CFAP54: variants seen among roughly 807,000 people sequenced by gnomAD.
CFAP54 encodes the protein cilia- and flagella-associated protein 54.
Under a neutral mutation model 370.4 loss-of-function variants are expected in CFAP54, and 290 were observed. The observed-to-expected ratio is 0.78, with a 90% confidence interval of 0.71 to 0.86. The LOEUF is 0.86. CFAP54 is among the 40% of genes least tolerant of loss of function. The pLI, the probability that CFAP54 is intolerant of heterozygous loss-of-function variation, is 0.00. For synonymous variants in CFAP54, 1,206 were observed against 1,236.5 expected, an observed-to-expected ratio of 0.98 and a Z score of 0.52; for missense variants, 3,399 against 3,528.7, an observed-to-expected ratio of 0.96 and a Z score of 0.93.
At chr12:96,782,436 A>C (rs1260828292) in intron 60 of CFAP54, among the ~76,000 whole-genome samples, 1 of 152,148 alleles carries the variant, frequency 6.6e-6, no homozygotes. Flanking sequence ...AGGCAATAAA[A>C]ATATTTAGCA....
At chr12:96,510,612 T>C (rs1468560553) in intron 4 of CFAP54, among the ~76,000 whole-genome samples, 1 of 152,160 alleles carries the variant, frequency 6.6e-6, no homozygotes, top group African/African-American at 2.4e-5. Flanking sequence ...TTCCTGTGCA[T>C]ATTTTTACTT....
At chr12:96,831,290 A>C (rs1318899938) in intron 66 of CFAP54, among the ~76,000 whole-genome samples, 1 of 152,214 alleles carries the variant, frequency 6.6e-6, no homozygotes, top group Non-Finnish European at 1.5e-5. Flanking sequence ...TCAATAAATG[A>C]GATAATTTTA....
chr12:96,851,668 A>C (rs1034833557), intron 66 of CFAP54, among the ~76,000 whole-genome samples: 1 of 152,072 alleles, frequency 6.6e-6, no homozygotes, highest in Non-Finnish European at 1.5e-5. Context: ...TTTTTAAAAT[A>C]GTGGCAAAAT....
intron 15 of CFAP54, among the ~76,000 whole-genome samples, chr12:96,551,485 ATGTGTGTGTGTGTGTGTGTG>A (rs10582056): frequency 1.4e-5 from 2 of 143,774 alleles, no homozygotes; most frequent in African/African-American, 2.6e-5. Context: ...TTGAATGGGT[ATGTGTGTGTGTGTGTGTGTG>A]TGTGTGTGTG....
chr12:96,674,802 G>A lies in CFAP54; in HGVS notation c.5564-4798G>A, dbSNP rs1957186208. Among the ~76,000 whole-genome samples, 4 of 152,124 alleles carry A rather than the reference G, an allele frequency of 2.6e-5. No individual in the cohort carries two copies. The South Asian group carries it at 8.3e-4, about 32-fold the overall frequency. On this transcript the variant is annotated intron_variant, in intron 39 of 67. Transcript: ENST00000524981. ...TTTTGTTCACTTGTGTCTCCCTTTG[G>A]TGCCAGGCACAGTGCCTAGTACTTG...
chr12:96,776,306 T>A (rs12305731), intron 60 of CFAP54, among the ~76,000 whole-genome samples: 2,751 of 152,106 alleles, frequency 0.018, 94 homozygotes, highest in African/African-American at 0.063. Flanking sequence ...TATCCAGATT[T>A]ACTTTAGGTA....
At chr12:96,758,548 A>T (rs1443287322) in intron 58 of CFAP54, among the ~76,000 whole-genome samples, 3 of 152,156 alleles carry the variant, frequency 2.0e-5, no homozygotes, top group Non-Finnish European at 4.4e-5. Context: ...GGGAGCTACA[A>T]TTCAAGATGA....
intron 60 of CFAP54, among the ~76,000 whole-genome samples, chr12:96,774,445 A>T (rs1958495318): frequency 6.6e-6 from 1 of 152,098 alleles, no homozygotes; most frequent in African/African-American, 2.4e-5. Context: ...TATAAATTTA[A>T]TTTTTCCAGA....
intron 6 of CFAP54, among the ~76,000 whole-genome samples, chr12:96,519,441 G>C (rs755092041): frequency 1.3e-5 from 2 of 151,976 alleles, no homozygotes; most frequent in Non-Finnish European, 2.9e-5. Flanking sequence ...TTCTTCCTTA[G>C]ATGCCTGCCA....
At chr12:96,676,078 A>G (rs968404065) in intron 39 of CFAP54, among the ~76,000 whole-genome samples, 2 of 152,076 alleles carry the variant, frequency 1.3e-5, no homozygotes, top group Non-Finnish European at 2.9e-5. Context: ...CCTAAAACTT[A>G]AAGTATAATA....
intron 67 of CFAP54, among the ~76,000 whole-genome samples, chr12:96,874,028 C>G (rs1960228302): frequency 6.6e-6 from 1 of 152,154 alleles, no homozygotes; most frequent in African/African-American, 2.4e-5. Context: ...CTATCCAGTA[C>G]CATTTATATG....
chr12:96,650,111 A>C (rs1337871046), intron 35 of CFAP54, 39 bp downstream of exon 35: 1 of 1,515,278 alleles, frequency 6.6e-7, no homozygotes, highest in Non-Finnish European at 8.9e-7. Flanking sequence ...AGTAGACATA[A>C]ATTTCAGCCC....
At position 96,521,868 on chromosome 12, in the gene CFAP54, G is replaced by T; in HGVS notation, c.954G>T (p.Arg318=). ...TTAATCACATGTAGGCATTTGCTCG[G>T]CGTGCTTTGGCTAAAATTGATGAGT... ...HAGIHGEAFA[R]RALAKIDELR... is the part of the protein sequence containing the mutation. Residue 318 remains arginine, a synonymous_variant, in exon 7 of 68, where the codon CGG becomes CGT. Coordinates refer to ENST00000524981, the MANE Select transcript of CFAP54 (RefSeq NM_001306084.2). The T allele has an allele frequency of 6.6e-7, 1 of 1,526,478 alleles. No individual in the cohort carries two copies. Among genetic ancestry groups the T allele is most frequent in the South Asian group, 1.2e-5 (1 of 83,380 alleles). 94.6% of individuals were successfully genotyped at this position (1,526,478 alleles called of 1,614,324 possible). A position where few individuals can be genotyped will look rare whatever the true frequency, so the allele number is the denominator to read the frequency against.
chr12:96,728,991 G>A (rs1428582774), intron 50 of CFAP54, among the ~76,000 whole-genome samples: 11 of 152,146 alleles, frequency 7.2e-5, no homozygotes, highest in Middle Eastern at 3.2e-3. Context: ...GTAGAACCGC[G>A]GATTTTCATG....
At chr12:96,821,297 G>T (rs945794960) in intron 65 of CFAP54, among the ~76,000 whole-genome samples, 1 of 152,238 alleles carries the variant, frequency 6.6e-6, no homozygotes, top group Admixed American at 6.5e-5. Context: ...AAATGAGGTC[G>T]AGGGTATGGT....
chr12:96,527,873 A>G (rs1182686782), intron 9 of CFAP54, among the ~76,000 whole-genome samples: 2 of 152,174 alleles, frequency 1.3e-5, no homozygotes, highest in Admixed American at 6.6e-5. Context: ...AAGCTGATAT[A>G]ATTTATATTG....
chr12:96,811,911 A>G, intron 64 of CFAP54, 69 bp downstream of exon 64: 1 of 938,552 alleles, frequency 1.1e-6, no homozygotes, highest in Non-Finnish European at 1.5e-6. Flanking sequence ...TCTTTCAGTA[A>G]TTGGCAAGGT....
At chr12:96,681,114 C>CCG (rs1491569515) in intron 40 of CFAP54, among the ~76,000 whole-genome samples, 1 of 97,754 alleles carries the variant, frequency 1.0e-5, no homozygotes, top group East Asian at 8.9e-4. Flanking sequence ...CAGAAAAGCA[C>CCG]CCCCCCACAC....
intron 33 of CFAP54, chr12:96,646,199 T>C (rs951303012): frequency 1.1e-4 from 16 of 152,102 alleles, no homozygotes; most frequent in East Asian, 9.7e-4. Context: ...TGCAATCTAC[T>C]CATCTGACAA....
Sources: gnomAD v4.1 joint callset for allele counts (sites outside exome capture counted in the v4.1 genomes callset) on GRCh38, gnomAD v4.1.1 for gene constraint, MANE v1.5 for transcripts, NCBI Gene and HGNC (gene_info 2026-07-23, HGNC 2026-07-21) for gene names.